CCDC197: variants seen among roughly 807,000 people sequenced by gnomAD.
CCDC197 encodes the protein coiled-coil domain containing 197, also known as uncharacterized protein CCDC197.
Under a neutral mutation model 13.4 loss-of-function variants are expected in CCDC197, and 24 were observed. The ratio of observed to expected loss-of-function variants is 1.80; its 90% CI spans 1.30 to 2.53. CCDC197 has a LOEUF of 2.53. Ranked by LOEUF, CCDC197 falls within the 30% of genes most tolerant of loss-of-function variation. CCDC197 has a pLI of 0.00. For missense variants in CCDC197, 255 were observed against 148.8 expected, an observed-to-expected ratio of 1.71 and a Z score of -3.71; for synonymous variants, 99 against 55.5, an observed-to-expected ratio of 1.78 and a Z score of -3.48.
chr14:94,009,348 G>A (rs555277999), downstream of CCDC197, among the ~76,000 whole-genome samples: 4 of 152,296 alleles, frequency 2.6e-5, no homozygotes, highest in Admixed American at 2.6e-4. Context: ...TCCTGCAGGT[G>A]TCTGAGCTGC....
chr14:93,998,846 C>T (rs1477076934), intron 2 of CCDC197, among the ~76,000 whole-genome samples: 1 of 152,158 alleles, frequency 6.6e-6, no homozygotes, highest in African/African-American at 2.4e-5. Flanking sequence ...AGAGGGAGGG[C>T]CCAGAGAAGC....
intron 2 of CCDC197, 104 bp downstream of exon 2, chr14:93,998,339 G>A (rs1312657411): frequency 1.3e-5 from 9 of 691,722 alleles, no homozygotes; most frequent in African/African-American, 1.2e-4. Context: ...CAGGACAGGG[G>A]GTGGATGAGG....
chr14:94,007,743 C>T (rs572219206), intron 6 of CCDC197, among the ~76,000 whole-genome samples: 1 of 152,292 alleles, frequency 6.6e-6, no homozygotes, highest in South Asian at 2.1e-4. Flanking sequence ...TGACTTCATC[C>T]TAAGTCAGAA....
At position 94,001,166 on chromosome 14, in the gene CCDC197, C is replaced by T. The variant is rs763951123; in HGVS notation, c.209C>T (p.Pro70Leu). The change falls in exon 4 of 7, where the codon CCG (proline) becomes CTG (leucine). Residue 70 changes from proline (P) to leucine (L), a missense_variant. Transcript: ENST00000636493. ...GTAGGCTGCACGGGATGGGAGGAGC[C>T]GGAGGAGGTGCTGGTGGAGGCCACG... is the stretch of plus-strand genomic sequence containing the variant. The part of the protein sequence containing the change: ...IPEGCTGWEE[P>L]EEVLVEATVK... The T allele has an allele frequency of 1.3e-6, 1 of 779,946 alleles. No individual in the cohort carries two copies. The highest frequency in any genetic ancestry group is 2.4e-5 in the East Asian group (1 of 41,198). The allele number at this position is 779,946 out of a possible 1,614,324, so 48.3% of individuals were successfully genotyped here.
upstream of CCDC197, among the ~76,000 whole-genome samples, chr14:93,993,585 C>G (rs1257034941): frequency 6.6e-6 from 1 of 152,202 alleles, no homozygotes; most frequent in Admixed American, 6.5e-5. Context: ...GAGGAAGGGC[C>G]GGCCTTGGCC....
intron 6 of CCDC197, among the ~76,000 whole-genome samples, chr14:94,005,746 T>C (rs556709437): frequency 2.6e-5 from 4 of 152,328 alleles, no homozygotes; most frequent in South Asian, 4.1e-4. Flanking sequence ...ATTTAGCGTC[T>C]GGCTGCTTTC....
At chr14:93,993,801 C>T (rs902297774), upstream of CCDC197, among the ~76,000 whole-genome samples, 1 of 152,186 alleles carries the variant, frequency 6.6e-6, no homozygotes, top group Non-Finnish European at 1.5e-5. Context: ...TCCCAAGATT[C>T]CCAGCTGCCT....
downstream of CCDC197, chr14:94,008,905 G>A: frequency 1.6e-6 from 1 of 632,462 alleles, no homozygotes; most frequent in Non-Finnish European, 2.9e-6. Context: ...GCCAGTGGGA[G>A]AGAGTCTGGG....
intron 5 of CCDC197, among the ~76,000 whole-genome samples, chr14:94,004,537 G>A (rs1345709296): frequency 1.3e-5 from 2 of 152,170 alleles, no homozygotes; most frequent in South Asian, 2.1e-4. Flanking sequence ...CTGGAGGTCT[G>A]AAGTCCAGGG....
downstream of CCDC197, among the ~76,000 whole-genome samples, chr14:94,010,241 T>C (rs1222932932): frequency 6.6e-6 from 1 of 152,238 alleles, no homozygotes; most frequent in East Asian, 1.9e-4. Flanking sequence ...CCTTGCTCTG[T>C]GACCCAGGCT....
At chr14:93,988,958 C>G (rs933752954) in intron 1 of CCDC197, among the ~76,000 whole-genome samples, 1 of 151,678 alleles carries the variant, frequency 6.6e-6, no homozygotes, top group African/African-American at 2.4e-5. Flanking sequence ...GGATGGGAGA[C>G]AGCAACAGCA....
chr14:93,990,689 G>A (rs1476341131), intron 1 of CCDC197, among the ~76,000 whole-genome samples: 1 of 152,192 alleles, frequency 6.6e-6, no homozygotes, highest in Non-Finnish European at 1.5e-5. Flanking sequence ...CATTGGGGTG[G>A]GTGAGCCAGA....
At chr14:94,004,491 GTCTC>G (rs916528146) in intron 5 of CCDC197, among the ~76,000 whole-genome samples, 1 of 152,084 alleles carries the variant, frequency 6.6e-6, no homozygotes, top group African/African-American at 2.4e-5. Context: ...CCCCTTTGAG[GTCTC>G]TCTCTCTAAG....
intron 1 of CCDC197, among the ~76,000 whole-genome samples, chr14:93,991,341 T>C (rs1432422333): frequency 6.6e-6 from 1 of 152,134 alleles, no homozygotes; most frequent in African/African-American, 2.4e-5. Flanking sequence ...GCTGAGTGCC[T>C]TACCTATGTC....
chr14:93,995,764 C>T (rs1890279358), upstream of CCDC197, among the ~76,000 whole-genome samples: 1 of 152,150 alleles, frequency 6.6e-6, no homozygotes, highest in Admixed American at 6.5e-5. Context: ...GCCCTGAGCC[C>T]CTGTCCTCTC....
chr14:93,994,261 GT>G (rs1476975316), upstream of CCDC197, among the ~76,000 whole-genome samples: 1 of 152,156 alleles, frequency 6.6e-6, no homozygotes, highest in Admixed American at 6.5e-5. Flanking sequence ...AATAATTTTT[GT>G]GCAAGGAGCC....
intron 2 of CCDC197, among the ~76,000 whole-genome samples, chr14:93,998,826 T>A (rs965151049): frequency 6.6e-6 from 1 of 152,138 alleles, no homozygotes; most frequent in Non-Finnish European, 1.5e-5. Context: ...TTCAGAATCA[T>A]ACGGATGAGA....
In CCDC197 at chr14:94,006,517, C is replaced by T. The variant is rs925011991; in HGVS notation, c.615+1546C>T. ...ACTACAAGGCATGCACCACCATACA[C>T]GGCTAAGTTTTGTATTTCTATTAGA... is the stretch of plus-strand genomic sequence containing the variant. On this transcript the variant is annotated intron_variant, in intron 6 of 6. Transcript: ENST00000636493. Among the ~76,000 whole-genome samples, 6 of 151,926 alleles carry T rather than the reference C, an allele frequency of 3.9e-5. No homozygotes were observed. The East Asian group carries it at 1.2e-3, about 30-fold the overall frequency.
chr14:94,004,602 T>C (rs2141378968), intron 5 of CCDC197, among the ~76,000 whole-genome samples: 1 of 152,290 alleles, frequency 6.6e-6, no homozygotes, highest in Non-Finnish European at 1.5e-5. Flanking sequence ...TGGACCCCGA[T>C]GCCTCCAGCC....
Sources: allele counts gnomAD v4.1 joint callset (sites outside exome capture counted in the v4.1 genomes callset), GRCh38; gene constraint gnomAD v4.1.1; transcripts MANE v1.5; gene names NCBI Gene and HGNC (gene_info 2026-07-23, HGNC 2026-07-21).